Variants in NEXMIF observed in about 807,000 individuals in gnomAD.
The protein encoded by NEXMIF is neurite extension and migration factor, also known as XLMR protein related to neurite extension.
A neutral mutation model predicts 62.1 loss-of-function variants in NEXMIF; 8 were observed. The observed-to-expected ratio is 0.13, with a 90% CI of 0.08 to 0.23. The LOEUF is 0.23. NEXMIF is among the 10% of genes least tolerant of loss of function. NEXMIF has a pLI of 1.00. For missense variants in NEXMIF, 976 were observed against 1,113.3 expected (o/e 0.88, Z 1.75); for synonymous variants, 404 against 416.6 (o/e 0.97, Z 0.37).
chrX:74,886,906 A>G (rs2080696394), intron 1 of NEXMIF, among the ~76,000 whole-genome samples: 1 of 108,567 alleles, frequency 9.2e-6, no homozygotes, highest in Non-Finnish European at 1.9e-5. Context: ...ACTATACTAC[A>G]AGGCTACAGT....
At chrX:74,838,492 A>G (rs1264779347) in intron 1 of NEXMIF, among the ~76,000 whole-genome samples, 2 of 112,376 alleles carry the variant, frequency 1.8e-5, no homozygotes, top group Non-Finnish European at 3.8e-5. Context: ...TTACCATTTT[A>G]TTATGCTCCC....
chrX:74,834,400 G>T (rs2080449550), intron 1 of NEXMIF, among the ~76,000 whole-genome samples: 1 of 111,178 alleles, frequency 9.0e-6, no homozygotes, highest in Admixed American at 9.6e-5. Flanking sequence ...TTACCAGTGA[G>T]TTTTGTACCT....
At chrX:74,887,812 T>G (rs1298208729) in intron 1 of NEXMIF, among the ~76,000 whole-genome samples, 1 of 111,807 alleles carries the variant, frequency 8.9e-6, no homozygotes, top group Non-Finnish European at 1.9e-5. Context: ...ACCCAAAGGA[T>G]TATAAATCAT....
intron 1 of NEXMIF, among the ~76,000 whole-genome samples, chrX:74,819,780 G>A (rs773794130): frequency 1.8e-5 from 2 of 111,852 alleles, no homozygotes; most frequent in Admixed American, 1.9e-4. Flanking sequence ...ACAGTGTAGC[G>A]ATCCCTCAAG....
chrX:74,886,148 T>C (rs2080692016), intron 1 of NEXMIF, among the ~76,000 whole-genome samples: 1 of 111,682 alleles, frequency 9.0e-6, no homozygotes, highest in African/African-American at 3.3e-5. Context: ...GGGACGTATC[T>C]CAAGATAATA....
chrX:74,808,133 G>A (rs1486646087), intron 1 of NEXMIF, among the ~76,000 whole-genome samples: 1 of 111,629 alleles, frequency 9.0e-6, no homozygotes, highest in Non-Finnish European at 1.9e-5. Flanking sequence ...GCTGGGTGCA[G>A]TGGCTCATAC....
intron 1 of NEXMIF, among the ~76,000 whole-genome samples, chrX:74,832,564 A>T (rs1252784165): frequency 3.6e-5 from 4 of 111,034 alleles, no homozygotes; most frequent in African/African-American, 6.5e-5. Context: ...AAAACAAAAT[A>T]AAAAAAACCA....
chrX:74,805,057 G>A (rs1041308234), intron 1 of NEXMIF, among the ~76,000 whole-genome samples: 1 of 112,283 alleles, frequency 8.9e-6, no homozygotes, highest in Non-Finnish European at 1.9e-5. Flanking sequence ...TCTCACAATC[G>A]CTGTGCTCTC....
intron 1 of NEXMIF, among the ~76,000 whole-genome samples, chrX:74,869,003 C>T (rs1280530200): frequency 9.0e-6 from 1 of 110,697 alleles, no homozygotes; most frequent in Non-Finnish European, 1.9e-5. Context: ...TACCCTGATA[C>T]CAAAACTAGA....
intron 1 of NEXMIF, among the ~76,000 whole-genome samples, chrX:74,765,138 T>C (rs185370077): frequency 5.4e-5 from 6 of 112,103 alleles, no homozygotes; most frequent in East Asian, 5.6e-4. Context: ...TTATACTAGT[T>C]AGGACTTCTC....
chrX:74,866,873 T>C (rs1194727705), intron 1 of NEXMIF, among the ~76,000 whole-genome samples: 1 of 112,575 alleles, frequency 8.9e-6, no homozygotes, highest in African/African-American at 3.2e-5. Flanking sequence ...CTAAACCTCC[T>C]TGCTTTATAA....
chrX:74,871,244 G>C (rs1212384050), intron 1 of NEXMIF, among the ~76,000 whole-genome samples: 3 of 111,227 alleles, frequency 2.7e-5, no homozygotes, highest in Non-Finnish European at 5.7e-5. Context: ...ATCACATATT[G>C]GTAGGACCAT....
chrX:74,811,598 C>A (rs1307070964), intron 1 of NEXMIF, among the ~76,000 whole-genome samples: 1 of 112,744 alleles, frequency 8.9e-6, no homozygotes, highest in African/African-American at 3.2e-5. Context: ...ACAGTCTAGA[C>A]TGAAGAGACT....
chrX:74,739,547 T>C (rs772114957), intron 3 of NEXMIF, 49 bp from the exon 4 acceptor site: 1 of 832,062 alleles, frequency 1.2e-6, no homozygotes, highest in Admixed American at 2.6e-5. Context: ...TTTTAGTGTA[T>C]GTCCCACAAA....
intron 1 of NEXMIF, among the ~76,000 whole-genome samples, chrX:74,886,705 A>G (rs1450353684): frequency 1.8e-5 from 2 of 110,481 alleles, no homozygotes; most frequent in South Asian, 3.9e-4. Flanking sequence ...AATCAATATC[A>G]TGACAATGGC....
chrX:74,819,566 G>C (rs1407153675), intron 1 of NEXMIF, among the ~76,000 whole-genome samples: 1 of 112,096 alleles, frequency 8.9e-6, no homozygotes, highest in Non-Finnish European at 1.9e-5. Context: ...CATTTATGCA[G>C]CCAATAAACA....
chrX:74,793,335 C>T (rs1221794339), intron 1 of NEXMIF, among the ~76,000 whole-genome samples: 18 of 109,188 alleles, frequency 1.6e-4, no homozygotes, highest in African/African-American at 2.3e-4. Context: ...GGGTTTCTGC[C>T]GAGAGATCCG....
intron 1 of NEXMIF, among the ~76,000 whole-genome samples, chrX:74,898,572 A>G (rs767977948): frequency 1.2e-4 from 13 of 111,918 alleles, no homozygotes; most frequent in African/African-American, 4.2e-4. Context: ...TATCAATATC[A>G]GTTCATTAAT....
intron 1 of NEXMIF, among the ~76,000 whole-genome samples, chrX:74,899,543 A>G (rs981381248): frequency 1.8e-5 from 2 of 112,423 alleles, no homozygotes; most frequent in Non-Finnish European, 3.8e-5. Flanking sequence ...AGATCTGTAC[A>G]TGGAAAACTA....
Sources: allele counts gnomAD v4.1 joint callset (sites outside exome capture counted in the v4.1 genomes callset), GRCh38; gene constraint gnomAD v4.1.1; transcripts MANE v1.5; gene names NCBI Gene and HGNC (gene_info 2026-07-23, HGNC 2026-07-21).